The following DOCK10 variants were observed in gnomAD, a reference collection of about 807,000 sequenced individuals.
DOCK10 encodes the protein dedicator of cytokinesis protein 10.
A neutral mutation model predicts 280.1 loss-of-function variants in DOCK10; 145 were observed. That is an observed-to-expected ratio of 0.52 (90% CI 0.45 to 0.59). DOCK10 has a LOEUF of 0.59. Ranked by LOEUF, DOCK10 falls within the 20% of genes least tolerant of loss-of-function variation. The pLI, the probability that DOCK10 is intolerant of heterozygous loss-of-function variation, is 0.00. For missense variants in DOCK10, 2,368 were observed against 2,651.7 expected (o/e 0.89, Z 2.35); for synonymous variants, 915 against 942.2 (o/e 0.97, Z 0.53).
chr2:224,964,878 C>T (rs11685574), intron 1 of DOCK10, among the ~76,000 whole-genome samples: 88,940 of 152,068 alleles, frequency 0.58, 26,523 homozygotes, highest in Non-Finnish European at 0.64. Context: ...AGACATTCTT[C>T]TGAGAGAATG....
chr2:224,853,120 A>G lies in DOCK10; in HGVS notation c.1891T>C (p.Cys631Arg). ...VDNVPLEHPN[C>R]VTSSFIPVKP... The stretch of plus-strand genomic sequence containing the variant: ...ACAGGGATAAAGGACGATGTTACAC[A>G]ATCTTAAAAAATCAGAAAATAAGAG... Residue 631 changes from cysteine (C) to arginine (R), a missense_variant and splice_region_variant, in exon 17 of 56, where the codon TGT becomes CGT. Physicochemically the swap from Cys to Arg is radical, Grantham distance 180. Coordinates refer to ENST00000258390, the MANE Select transcript of DOCK10 (RefSeq NM_014689.3). The G allele has an allele frequency of 6.4e-7, 1 of 1,555,626 alleles. No individual in the cohort carries two copies. Among genetic ancestry groups the G allele is most frequent in the South Asian group, 1.2e-5 (1 of 82,490 alleles).
intron 1 of DOCK10, among the ~76,000 whole-genome samples, chr2:224,980,813 A>C (rs1310823333): frequency 6.6e-6 from 1 of 152,072 alleles, no homozygotes; most frequent in Non-Finnish European, 1.5e-5. Context: ...CTGAGCCTTT[A>C]TTTTCCTCAT....
intron 1 of DOCK10, among the ~76,000 whole-genome samples, chr2:224,989,533 A>T (rs1706073185): frequency 6.6e-6 from 1 of 152,154 alleles, no homozygotes. Flanking sequence ...GACCCAAAGG[A>T]GGAGAACACC....
intron 28 of DOCK10, 74 bp from the exon 29 acceptor site, chr2:224,819,603 A>C (rs1694372577): frequency 1.2e-5 from 12 of 961,800 alleles, no homozygotes; most frequent in Non-Finnish European, 1.8e-5. Flanking sequence ...AATATGATTA[A>C]ATATATTGAA....
intron 1 of DOCK10, among the ~76,000 whole-genome samples, chr2:224,974,079 G>T (rs986398316): frequency 2.0e-5 from 3 of 152,276 alleles, no homozygotes; most frequent in African/African-American, 7.2e-5. Flanking sequence ...AATTCTCAGG[G>T]AAGTACTTAT....
intron 3 of DOCK10, among the ~76,000 whole-genome samples, chr2:224,904,006 AATTT>A (rs1317708219): frequency 6.6e-6 from 1 of 152,130 alleles, no homozygotes; most frequent in Non-Finnish European, 1.5e-5. Flanking sequence ...CATGCACTTG[AATTT>A]ATCTTAATCA....
Position 224,796,339 on chromosome 2 carries a change from C to G in DOCK10, c.4915G>C (p.Ala1639Pro), listed in dbSNP as rs374429396. Residue 1639 changes from alanine to proline, a missense_variant, in exon 44 of 56, where the codon GCC becomes CCC. Physicochemically the swap from Ala to Pro is conservative, Grantham distance 27. This residue lies in a region of DOCK10 where 1,159 missense variants were observed against 1,400.8 expected (regional missense o/e 0.83). Coordinates refer to ENST00000258390, the MANE Select transcript of DOCK10 (RefSeq NM_014689.3). ...QHSLAITNNFANGDKQMKNSN... is the reference protein window; with the variant it reads ...QHSLAITNNFPNGDKQMKNSN... Reference sequence around the variant, plus strand: ...ACTTTCATTTGCTTATCTCCATTGGCGAAATTATTGGTAATTGCAAGCGAA... The same window carrying G: ...ACTTTCATTTGCTTATCTCCATTGGGGAAATTATTGGTAATTGCAAGCGAA... The G allele has an allele frequency of 1.5e-5, 23 of 1,565,384 alleles. No homozygotes were observed. Among genetic ancestry groups the G allele is most frequent in the Non-Finnish European group, 1.9e-5 (22 of 1,153,698 alleles).
intron 1 of DOCK10, among the ~76,000 whole-genome samples, chr2:224,967,119 G>A (rs540689078): frequency 2.7e-5 from 4 of 146,074 alleles, no homozygotes; most frequent in Non-Finnish European, 6.0e-5. Flanking sequence ...TCGCTCTGTC[G>A]CCCAGGCTGG....
At chr2:225,004,834 C>A (rs1416385349) in intron 1 of DOCK10, among the ~76,000 whole-genome samples, 1 of 152,240 alleles carries the variant, frequency 6.6e-6, no homozygotes, top group East Asian at 1.9e-4. Context: ...GTTTGTCCAT[C>A]AGCAATTCAG....
At chr2:224,896,229 G>T in intron 4 of DOCK10, 66 bp downstream of exon 4, 1 of 950,142 alleles carries the variant, frequency 1.1e-6, no homozygotes, top group Non-Finnish European at 1.6e-6. Flanking sequence ...AACAATGGCA[G>T]GACTAGAACA....
In DOCK10 at chr2:224,968,761, C is replaced by T. The variant is rs144934689; in HGVS notation, c.124-37093G>A. Among the ~76,000 whole-genome samples, 180 of 152,244 alleles carry T rather than the reference C, an allele frequency of 1.2e-3. 1 individual carries two copies. In the East Asian group the frequency reaches 0.019, roughly 16 times the overall value. On this transcript the variant is annotated intron_variant, in intron 1 of 55. Transcript: ENST00000258390. ...AGGTTAATGGATGTAACATCATAAACGAGTCTTTATCCAGCTACATAGCTA... is the reference window on the plus strand; with the variant it reads ...AGGTTAATGGATGTAACATCATAAATGAGTCTTTATCCAGCTACATAGCTA...
In DOCK10 at chr2:224,801,931, C is replaced by G. The variant is rs372043686; in HGVS notation, c.4378G>C (p.Asp1460His). The part of the protein sequence containing the change: ...LSNPKLLQML[D>H]NTMTSNSNEI... ...GTTTACTTACTGGTCATGGTATTGT[C>G]TAACATCTGTAAGAGTTTGGGGTTA... The change falls in exon 40 of 56, where the codon GAC becomes CAC. Residue 1460 changes from aspartate to histidine, a missense_variant. Around this residue, in one of 2 missense-constraint regions of DOCK10, gnomAD observed 1,159 missense variants for 1,400.8 expected, o/e 0.83. Coordinates refer to ENST00000258390, the MANE Select transcript of DOCK10 (RefSeq NM_014689.3). 4.6e-5 allele frequency: 74 copies of G among 1,612,802 alleles called. No homozygotes were observed. Among genetic ancestry groups the G allele is most frequent in the Non-Finnish European group, 6.0e-5 (71 of 1,179,220 alleles).
chr2:224,942,302 T>C (rs1703137416), intron 1 of DOCK10, among the ~76,000 whole-genome samples: 1 of 152,250 alleles, frequency 6.6e-6, no homozygotes, highest in Admixed American at 6.5e-5. Flanking sequence ...ACCTGGATTC[T>C]TAGGCAGACC....
At chr2:224,801,278 A>G (rs1036989285) in intron 40 of DOCK10, among the ~76,000 whole-genome samples, 1 of 107,380 alleles carries the variant, frequency 9.3e-6, no homozygotes, top group African/African-American at 4.0e-5. Flanking sequence ...GTTTCAAGAC[A>G]TGGCAAAAAA....
In DOCK10 at chr2:224,804,914, T is replaced by C. The variant is rs562606372; in HGVS notation, c.4119-73A>G. 6.0e-4 allele frequency: 770 copies of C among 1,288,148 alleles called. 3 individuals carry two copies. Among genetic ancestry groups the C allele is most frequent in the Middle Eastern group, 7.8e-4 (3 of 3,866 alleles). 79.8% of individuals were successfully genotyped at this position (1,288,148 alleles called of 1,614,324 possible). A position where few individuals can be genotyped will look rare whatever the true frequency, so the allele number is the denominator to read the frequency against. ...TATACAAACTGTTCATCTAAGTATA[T>C]TGAAAGAAAAATATTAAATTTTCTT... On this transcript the variant is annotated intron_variant, in intron 37 of 55. Coordinates refer to ENST00000258390, the MANE Select transcript of DOCK10 (RefSeq NM_014689.3).
chr2:225,037,219 G>A (rs1360704692), intron 1 of DOCK10, among the ~76,000 whole-genome samples: 1 of 152,146 alleles, frequency 6.6e-6, no homozygotes, highest in African/African-American at 2.4e-5. Flanking sequence ...CAGGTGGGAT[G>A]GGGATGGCTG....
At chr2:224,849,668 A>G (rs1285465537) in intron 18 of DOCK10, 69 bp from the exon 19 acceptor site, 34 of 1,146,402 alleles carry the variant, frequency 3.0e-5, no homozygotes, top group Non-Finnish European at 4.0e-5. Flanking sequence ...AAAAAAGTCC[A>G]TAACTCTTCA....
At chr2:224,808,379 C>T (rs1251761330) in intron 31 of DOCK10, among the ~76,000 whole-genome samples, 1 of 152,248 alleles carries the variant, frequency 6.6e-6, no homozygotes, top group South Asian at 2.1e-4. Flanking sequence ...GGGAAAAACA[C>T]ATTTTCTGCT....
chr2:224,938,913 G>A (rs1301039145), intron 1 of DOCK10, among the ~76,000 whole-genome samples: 2 of 152,194 alleles, frequency 1.3e-5, no homozygotes, highest in East Asian at 3.8e-4. Flanking sequence ...AAAAGGAAGT[G>A]ATTAAGTAAA....
Sources: gnomAD v4.1 joint callset for allele counts (sites outside exome capture counted in the v4.1 genomes callset) on GRCh38, gnomAD v4.1.1 for gene constraint, gnomAD v4.1.1 regional missense constraint, MANE v1.5 for transcripts, NCBI Gene and HGNC (gene_info 2026-07-23, HGNC 2026-07-21) for gene names.